SLC25A13: variants seen among roughly 807,000 people sequenced by gnomAD.
SLC25A13 encodes the protein solute carrier family 25 member 13, also known as electrogenic aspartate/glutamate antiporter SLC25A13, mitochondrial.
Under a neutral mutation model 85.5 loss-of-function variants are expected in SLC25A13, and 70 were observed. The ratio of observed to expected loss-of-function variants is 0.82; its 90% confidence interval spans 0.68 to 1.00. SLC25A13 has a LOEUF of 1.00. Ranked by LOEUF, SLC25A13 falls within the 50% of genes least tolerant of loss-of-function variation. The pLI, the probability that SLC25A13 is intolerant of heterozygous loss-of-function variation, is 0.00. For synonymous variants in SLC25A13, 259 were observed against 288.7 expected, an observed-to-expected ratio of 0.90 and a Z score of 1.04; for missense variants, 765 against 819.8, an observed-to-expected ratio of 0.93 and a Z score of 0.82.
At chr7:96,296,369 C>G (rs2116993325) in intron 2 of SLC25A13, among the ~76,000 whole-genome samples, 1 of 152,182 alleles carries the variant, frequency 6.6e-6, no homozygotes, top group African/African-American at 2.4e-5. Context: ...TACCTTACAC[C>G]ACATGAGATA....
chr7:96,183,055 A>G (rs191798817), intron 11 of SLC25A13, among the ~76,000 whole-genome samples: 2 of 152,316 alleles, frequency 1.3e-5, no homozygotes, highest in East Asian at 3.9e-4. Context: ...ATCAGGGAAG[A>G]AAAGCATTTC....
At chr7:96,305,533 T>C (rs1249263614) in intron 1 of SLC25A13, among the ~76,000 whole-genome samples, 1 of 152,134 alleles carries the variant, frequency 6.6e-6, no homozygotes, top group African/African-American at 2.4e-5. Flanking sequence ...CCAATATAAT[T>C]TGTTACATAT....
chr7:96,253,871 A>G (rs1208689007), intron 3 of SLC25A13, among the ~76,000 whole-genome samples: 1 of 152,228 alleles, frequency 6.6e-6, no homozygotes, highest in African/African-American at 2.4e-5. Context: ...TTTAACAGAT[A>G]TTGGAATAAA....
intron 3 of SLC25A13, among the ~76,000 whole-genome samples, chr7:96,243,391 T>C (rs1797064932): frequency 6.6e-6 from 1 of 152,200 alleles, no homozygotes; most frequent in African/African-American, 2.4e-5. Context: ...GAACCACATT[T>C]GCAGATGGGT....
chr7:96,248,829 C>T (rs1447101882), intron 3 of SLC25A13, among the ~76,000 whole-genome samples: 3 of 152,138 alleles, frequency 2.0e-5, no homozygotes, highest in Non-Finnish European at 2.9e-5. Context: ...AGATATACTG[C>T]TATCAGGAGA....
intron 1 of SLC25A13, among the ~76,000 whole-genome samples, chr7:96,308,035 C>G (rs962681896): frequency 6.6e-6 from 1 of 151,884 alleles, no homozygotes; most frequent in Non-Finnish European, 1.5e-5. Flanking sequence ...TGCCTGTAAT[C>G]CCGGCTATTC....
At chr7:96,309,307 C>T (rs1799870454) in intron 1 of SLC25A13, among the ~76,000 whole-genome samples, 1 of 152,142 alleles carries the variant, frequency 6.6e-6, no homozygotes, top group Non-Finnish European at 1.5e-5. Context: ...TCTCTAGGTG[C>T]CTCCTTTTGA....
At chr7:96,296,406 G>C (rs1184056561) in intron 2 of SLC25A13, among the ~76,000 whole-genome samples, 1 of 151,636 alleles carries the variant, frequency 6.6e-6, no homozygotes, top group African/African-American at 2.4e-5. Context: ...AAGCCATGTT[G>C]TCATCACAGT....
At chr7:96,142,253 C>T (rs1272098983) in intron 14 of SLC25A13, among the ~76,000 whole-genome samples, 1 of 152,134 alleles carries the variant, frequency 6.6e-6, no homozygotes, top group Non-Finnish European at 1.5e-5. Flanking sequence ...TGAAAGGAAG[C>T]TTTTCAGCCC....
intron 7 of SLC25A13, 34 bp downstream of exon 7, chr7:96,191,075 T>G: frequency 1.2e-6 from 2 of 1,613,332 alleles, no homozygotes; most frequent in South Asian, 2.2e-5. Flanking sequence ...ACCACAATAC[T>G]TGCAGGCTAG....
At chr7:96,288,425 G>C (rs1157935204) in intron 2 of SLC25A13, among the ~76,000 whole-genome samples, 2 of 152,232 alleles carry the variant, frequency 1.3e-5, no homozygotes, top group Non-Finnish European at 2.9e-5. Flanking sequence ...AGTGGGGGCA[G>C]GACAGTGGGT....
chr7:96,297,808 TATG>T (rs1454501809), intron 1 of SLC25A13, among the ~76,000 whole-genome samples: 5 of 152,178 alleles, frequency 3.3e-5, no homozygotes, highest in Non-Finnish European at 5.9e-5. Flanking sequence ...TCTCCAAAGG[TATG>T]ATATTATTCT....
At chr7:96,133,915 C>T (rs1792148334) in intron 14 of SLC25A13, among the ~76,000 whole-genome samples, 1 of 149,840 alleles carries the variant, frequency 6.7e-6, no homozygotes, top group African/African-American at 2.5e-5. Flanking sequence ...AGTAAGACTC[C>T]ATCTTAATAA....
chr7:96,207,311 C>G (rs750469151), intron 5 of SLC25A13, among the ~76,000 whole-genome samples: 7 of 152,038 alleles, frequency 4.6e-5, no homozygotes, highest in Non-Finnish European at 7.4e-5. Context: ...TGAAGTTAAC[C>G]TATCACAAAT....
chr7:96,303,310 C>T (rs931842427), intron 1 of SLC25A13, among the ~76,000 whole-genome samples: 2 of 152,034 alleles, frequency 1.3e-5, no homozygotes, highest in African/African-American at 4.8e-5. Flanking sequence ...GAACTACAAA[C>T]TCAAAGAGGT....
At chr7:96,320,616 T>G (rs890457515) in intron 1 of SLC25A13, among the ~76,000 whole-genome samples, 1 of 152,140 alleles carries the variant, frequency 6.6e-6, no homozygotes, top group African/African-American at 2.4e-5. Flanking sequence ...TGAAAAGTTA[T>G]AGATAGATAT....
chr7:96,318,542 G>A (rs1438349593), intron 1 of SLC25A13, among the ~76,000 whole-genome samples: 2 of 152,130 alleles, frequency 1.3e-5, no homozygotes, highest in Non-Finnish European at 2.9e-5. Context: ...AAGAGTTTTA[G>A]ATTAATGTTC....
chr7:96,164,398 G>C (rs1019465579), intron 13 of SLC25A13, among the ~76,000 whole-genome samples: 2 of 152,206 alleles, frequency 1.3e-5, no homozygotes, highest in Non-Finnish European at 2.9e-5. Flanking sequence ...GAAAGAGACA[G>C]AAACCACGGA....
At chr7:96,295,765 G>A (rs1799319589) in intron 2 of SLC25A13, among the ~76,000 whole-genome samples, 1 of 151,848 alleles carries the variant, frequency 6.6e-6, no homozygotes, top group Non-Finnish European at 1.5e-5. Context: ...TTTCTCATTT[G>A]ACACCCTGGT....
Sources: allele counts gnomAD v4.1 joint callset (sites outside exome capture counted in the v4.1 genomes callset), GRCh38; gene constraint gnomAD v4.1.1; transcripts MANE v1.5; gene names NCBI Gene and HGNC (gene_info 2026-07-23, HGNC 2026-07-21).